ANKRD46: variants seen among roughly 807,000 people sequenced by gnomAD.
The protein encoded by ANKRD46 is ankyrin repeat domain 46, also known as ankyrin repeat domain-containing protein 46.
Under a neutral mutation model 19.8 loss-of-function variants are expected in ANKRD46, and 13 were observed. That is an observed-to-expected ratio of 0.66 (90% CI 0.43 to 1.04). The LOEUF (loss-of-function observed/expected upper bound fraction) is 1.04. Among genes scored for constraint, ANKRD46 ranks in the 50% least tolerant of loss-of-function variants. The pLI is 0.00. For synonymous variants in ANKRD46, 91 were observed against 106.9 expected, an observed-to-expected ratio of 0.85 and a Z score of 0.92; for missense variants, 185 against 274.8, an observed-to-expected ratio of 0.67 and a Z score of 2.31.
In ANKRD46 at chr8:100,525,322, C is replaced by A. The variant is rs1449332332; in HGVS notation, c.470+2523G>T. 1.3e-5 allele frequency among the ~76,000 whole-genome samples: 2 copies of A among 152,194 alleles called. No individual in the cohort carries two copies. The highest frequency in any genetic ancestry group is 3.9e-4 in the East Asian group (2 of 5,188). On this transcript the variant is annotated intron_variant, in intron 4 of 4. Coordinates refer to ENST00000335659, the MANE Select transcript of ANKRD46 (RefSeq NM_001270377.2). This position sits in a 1 kb window ranked among gnomAD's most constrained non-coding sequence, Gnocchi z 4.4. ...ACAATTCAGTGGCTTTTCATATATT[C>A]CCCAAATTGTACAACCATCTCTTCT...
In ANKRD46 at chr8:100,557,066, A is replaced by C. The variant is rs1256481712; in HGVS notation, c.-131+2645T>G. Among the ~76,000 whole-genome samples, 1 of 151,732 alleles carries C rather than the reference A, an allele frequency of 6.6e-6. No homozygotes were observed. The highest frequency in any genetic ancestry group is 1.5e-5 in the Non-Finnish European group (1 of 67,888). ...CGATAGCTGATGAGCTTAAAAAAAA[A>C]TACAATCAATCTCATAATGTTTTAA... is the stretch of plus-strand genomic sequence containing the variant. On this transcript the variant is annotated intron_variant, in intron 1 of 4. Coordinates refer to ENST00000335659, the MANE Select transcript of ANKRD46 (RefSeq NM_001270377.2). The surrounding 1 kb of genome is among the most constrained non-coding windows in gnomAD (Gnocchi z 5.9).
rs76284739 is a variant in ANKRD46, at chr8:100,544,233, G to A, written c.-130-10922C>T. On this transcript the variant is annotated intron_variant, in intron 1 of 4. Transcript: ENST00000335659. The surrounding 1 kb of genome is among the most constrained non-coding windows in gnomAD (Gnocchi z 4.4). Reference sequence around the variant, plus strand: ...TCAGTCAGCTTCTGGTTCCTTCTAAGGCTCAAAGCAGATCACTTCCACTTC... The same window carrying A: ...TCAGTCAGCTTCTGGTTCCTTCTAAAGCTCAAAGCAGATCACTTCCACTTC... Among the ~76,000 whole-genome samples the A allele has an allele frequency of 1.4e-3, 216 of 152,190 alleles. 6 individuals are homozygous for A. In the East Asian group the frequency reaches 0.032, roughly 23 times the overall value.
At position 100,525,241 on chromosome 8, in the gene ANKRD46, A is replaced by G. The variant is rs1407473641; in HGVS notation, c.471-2470T>C. ...CTAGCCAATCTCTTTAAACTTTTTC[A>G]TCTACATTTATTGAGACATAATTCA... On this transcript the variant is annotated intron_variant, in intron 4 of 4. Transcript: ENST00000335659. The surrounding 1 kb of genome is among the most constrained non-coding windows in gnomAD (Gnocchi z 4.4). Among the ~76,000 whole-genome samples the G allele has an allele frequency of 6.6e-6, 1 of 152,152 alleles. No homozygotes were observed. Among genetic ancestry groups the G allele is most frequent in the Non-Finnish European group, 1.5e-5 (1 of 68,008 alleles).
At position 100,522,026 on chromosome 8, in the gene ANKRD46, A is replaced by G; in HGVS notation, c.*529T>C. On this transcript the variant is annotated 3_prime_UTR_variant, in exon 5 of 5. Transcript: ENST00000335659. ...TGTGACTAGACTTAAAAATACTAAA[A>G]TAAGCCAAATAGATGCTAACAATAC... 1 of 985,446 alleles carries G rather than the reference A, an allele frequency of 1.0e-6. No individual in the cohort carries two copies. The highest frequency in any genetic ancestry group is 1.2e-6 in the Non-Finnish European group (1 of 829,850). The allele number at this position is 985,446 out of a possible 1,614,324, so 61.0% of individuals were successfully genotyped here.
downstream of ANKRD46, among the ~76,000 whole-genome samples, chr8:100,519,375 G>A (rs184971090): frequency 6.6e-6 from 1 of 152,168 alleles, no homozygotes; most frequent in Non-Finnish European, 1.5e-5. Flanking sequence ...GAACCAGCTG[G>A]AGGAAGCAGC....
chr8:100,527,745 G>C lies in ANKRD46; in HGVS notation c.470+100C>G. 1 of 1,307,452 alleles carries C rather than the reference G, an allele frequency of 7.6e-7. No individual in the cohort carries two copies. The highest frequency in any genetic ancestry group is 1.0e-6 in the Non-Finnish European group (1 of 967,128). The allele number at this position is 1,307,452 out of a possible 1,614,324, so 81.0% of individuals were successfully genotyped here. On this transcript the variant is annotated intron_variant, in intron 4 of 4. Coordinates refer to ENST00000335659, the MANE Select transcript of ANKRD46 (RefSeq NM_001270377.2). The surrounding 1 kb of genome is among the most constrained non-coding windows in gnomAD (Gnocchi z 4.0). ...CTGGGTGTGGCTACATGTGCCTATA[G>C]TCCCAGCTAGTCAGGAGGCTGAGGC...
At chr8:100,539,232 A>G (rs1268331882) in intron 1 of ANKRD46, among the ~76,000 whole-genome samples, 1 of 152,246 alleles carries the variant, frequency 6.6e-6, no homozygotes, top group Non-Finnish European at 1.5e-5. Flanking sequence ...CCTAGGAAGT[A>G]ATTTCTCACT....
chr8:100,536,544 C>T lies in ANKRD46; in HGVS notation c.-130-3233G>A, dbSNP rs1812067872. 6.6e-6 allele frequency among the ~76,000 whole-genome samples: 1 copy of T among 152,120 alleles called. No homozygotes were observed. The highest frequency in any genetic ancestry group is 1.5e-5 in the Non-Finnish European group (1 of 68,010). On this transcript the variant is annotated intron_variant, in intron 1 of 4. Coordinates refer to ENST00000335659, the MANE Select transcript of ANKRD46 (RefSeq NM_001270377.2). This position sits in a 1 kb window ranked among gnomAD's most constrained non-coding sequence, Gnocchi z 4.9. ...CAGTCCTCAGCCATACGGAAGAAAG[C>T]TTGCATACAGCACTGATCCCCTGGT...
Position 100,525,732 on chromosome 8 carries a change from T to G in ANKRD46, c.470+2113A>C, listed in dbSNP as rs956955186. 6.6e-6 allele frequency among the ~76,000 whole-genome samples: 1 copy of G among 152,216 alleles called. No individual in the cohort carries two copies. Among genetic ancestry groups the G allele is most frequent in the African/African-American group, 2.4e-5 (1 of 41,452 alleles). On this transcript the variant is annotated intron_variant, in intron 4 of 4. Transcript: ENST00000335659. The surrounding 1 kb of genome is among the most constrained non-coding windows in gnomAD (Gnocchi z 4.4). Reference sequence around the variant, plus strand: ...TATATAAGTTTTGTGTGGACATATGTTTCAATTTTCTTTGGTATATTCCTA... The same window carrying G: ...TATATAAGTTTTGTGTGGACATATGGTTCAATTTTCTTTGGTATATTCCTA...
chr8:100,519,996 C>A (rs934319943), downstream of ANKRD46, among the ~76,000 whole-genome samples: 1 of 152,086 alleles, frequency 6.6e-6, no homozygotes, highest in African/African-American at 2.4e-5. Flanking sequence ...AGACTAAGTC[C>A]CTGCTCTCAT....
intron 2 of ANKRD46, among the ~76,000 whole-genome samples, chr8:100,531,242 T>A (rs1024672245): frequency 2.6e-5 from 4 of 152,182 alleles, no homozygotes; most frequent in African/African-American, 9.6e-5. Context: ...TATTCTTAGG[T>A]TACAAAAGCT....
chr8:100,538,754 G>T (rs755629409), intron 1 of ANKRD46, among the ~76,000 whole-genome samples: 1 of 152,164 alleles, frequency 6.6e-6, no homozygotes, highest in Admixed American at 6.5e-5. Context: ...AAGCCTGCTT[G>T]GAGAGGTGGG....
rs1811824856 is a variant in ANKRD46 at position 100,525,489 on chromosome 8, T to G, written c.470+2356A>C. Among the ~76,000 whole-genome samples the G allele has an allele frequency of 6.6e-6, 1 of 152,236 alleles. No individual in the cohort carries two copies. Among genetic ancestry groups the G allele is most frequent in the Non-Finnish European group, 1.5e-5 (1 of 68,034 alleles). On this transcript the variant is annotated intron_variant, in intron 4 of 4. Coordinates refer to ENST00000335659, the MANE Select transcript of ANKRD46 (RefSeq NM_001270377.2). This position sits in a 1 kb window ranked among gnomAD's most constrained non-coding sequence, Gnocchi z 4.4. The stretch of plus-strand genomic sequence containing the variant: ...ATTTGCTTATTCTGGACATTTCACA[T>G]AAACAGAATCATGTAATATGTGGCC...
At position 100,529,488 on chromosome 8, in the gene ANKRD46, A is replaced by C. The variant is rs1204579201; in HGVS notation, c.311+35T>G. 1.3e-6 allele frequency: 2 copies of C among 1,572,844 alleles called. No homozygotes were observed. The highest frequency in any genetic ancestry group is 1.7e-6 in the Non-Finnish European group (2 of 1,155,246). On this transcript the variant is annotated intron_variant, in intron 3 of 4. Coordinates refer to ENST00000335659, the MANE Select transcript of ANKRD46 (RefSeq NM_001270377.2). The surrounding 1 kb of genome is among the most constrained non-coding windows in gnomAD (Gnocchi z 5.8). Reference sequence around the variant, plus strand: ...TATCAGTTGAGAGATTAATGGGAAGAAATGACTAGACTTCTAAAACAACAG... The same window carrying C: ...TATCAGTTGAGAGATTAATGGGAAGCAATGACTAGACTTCTAAAACAACAG...
chr8:100,546,035 T>A lies in ANKRD46; in HGVS notation c.-130-12724A>T, dbSNP rs1812266772. ...GTGAACAAATGTGTTCACGAAGAGA[T>A]AATCTGCAATTGGAACTTCTGTTTA... On this transcript the variant is annotated intron_variant, in intron 1 of 4. Transcript: ENST00000335659. This position sits in a 1 kb window ranked among gnomAD's most constrained non-coding sequence, Gnocchi z 4.0. 6.6e-6 allele frequency among the ~76,000 whole-genome samples: 1 copy of A among 152,242 alleles called. No homozygotes were observed. The highest frequency in any genetic ancestry group is 1.5e-5 in the Non-Finnish European group (1 of 68,042).
In ANKRD46 at chr8:100,532,057, T is replaced by C. The variant is rs900706545; in HGVS notation, c.-28+1152A>G. Among the ~76,000 whole-genome samples the C allele has an allele frequency of 6.6e-6, 1 of 151,826 alleles. No individual in the cohort carries two copies. ...ACTTAATGACTCACTGGATATGAAA[T>C]GAAGGGTGAAAAGGGGCTGTTAAGA... On this transcript the variant is annotated intron_variant, in intron 2 of 4. Coordinates refer to ENST00000335659, the MANE Select transcript of ANKRD46 (RefSeq NM_001270377.2). This position sits in a 1 kb window ranked among gnomAD's most constrained non-coding sequence, Gnocchi z 4.7.
chr8:100,517,004 C>T (rs573277752), downstream of ANKRD46, among the ~76,000 whole-genome samples: 74 of 152,286 alleles, frequency 4.9e-4, no homozygotes, highest in African/African-American at 1.7e-3. Flanking sequence ...GCTTACTGGC[C>T]GTGTTACCTT....
rs1811823868 is a variant in ANKRD46, at chr8:100,525,421, C to T, written c.470+2424G>A. ...GCAGTCACTCCCATTGCCCCTTCTC[C>T]CAGCTTCTAGTCTACTTTCTCATCT... On this transcript the variant is annotated intron_variant, in intron 4 of 4. Coordinates refer to ENST00000335659, the MANE Select transcript of ANKRD46 (RefSeq NM_001270377.2). This position sits in a 1 kb window ranked among gnomAD's most constrained non-coding sequence, Gnocchi z 4.4. Among the ~76,000 whole-genome samples, 1 of 152,172 alleles carries T rather than the reference C, an allele frequency of 6.6e-6. No individual in the cohort carries two copies. The highest frequency in any genetic ancestry group is 1.9e-4 in the East Asian group (1 of 5,196).
At position 100,550,900 on chromosome 8, in the gene ANKRD46, C is replaced by A. The variant is rs1812373337; in HGVS notation, c.-131+8811G>T. On this transcript the variant is annotated intron_variant, in intron 1 of 4. Coordinates refer to ENST00000335659, the MANE Select transcript of ANKRD46 (RefSeq NM_001270377.2). The surrounding 1 kb of genome is among the most constrained non-coding windows in gnomAD (Gnocchi z 4.4). The stretch of plus-strand genomic sequence containing the variant: ...GAAACAACCTGGTGTTCAGTGTAGC[C>A]CAAGATGCCCTTGAGGGGCCCTCTG... The A allele has an allele frequency of 1.7e-6, 1 of 571,544 alleles. No homozygotes were observed. The highest frequency in any genetic ancestry group is 4.4e-5 in the East Asian group (1 of 22,836). The allele number at this position is 571,544 out of a possible 1,614,324, so 35.4% of individuals were successfully genotyped here. A position where few individuals can be genotyped will look rare whatever the true frequency, so the allele number is the denominator to read the frequency against.
Sources: allele counts gnomAD v4.1 joint callset (sites outside exome capture counted in the v4.1 genomes callset), GRCh38; gene constraint gnomAD v4.1.1; non-coding constraint Gnocchi (gnomAD v3.1); transcripts MANE v1.5; gene names NCBI Gene and HGNC (gene_info 2026-07-23, HGNC 2026-07-21).